The following ZHX2 variants were observed in gnomAD, a reference collection of about 807,000 sequenced individuals.
ZHX2 encodes the protein zinc fingers and homeoboxes 2.
A neutral mutation model predicts 21.9 loss-of-function variants in ZHX2; 6 were observed. The ratio of observed to expected loss-of-function variants is 0.27; its 90% CI spans 0.15 to 0.54. The LOEUF is 0.54. Ranked by LOEUF, ZHX2 falls within the 20% of genes least tolerant of loss-of-function variation. The pLI is 0.95. For missense variants in ZHX2, 908 were observed against 1,090.7 expected (o/e 0.83, Z 2.36); for synonymous variants, 434 against 437.1 (o/e 0.99, Z 0.09).
At chr8:122,880,698 C>T (rs1474948198) in intron 2 of ZHX2, among the ~76,000 whole-genome samples, 2 of 150,844 alleles carry the variant, frequency 1.3e-5, no homozygotes, top group Non-Finnish European at 2.9e-5. Flanking sequence ...TCACTTGAAC[C>T]CAGGAGGCTG....
At chr8:122,879,487 G>C (rs1039487871) in intron 2 of ZHX2, among the ~76,000 whole-genome samples, 4 of 150,374 alleles carry the variant, frequency 2.7e-5, no homozygotes, top group African/African-American at 9.9e-5. Flanking sequence ...TTATAGGTAT[G>C]AGCCACTGCA....
At chr8:122,943,239 G>A (rs1362077114) in intron 2 of ZHX2, among the ~76,000 whole-genome samples, 1 of 151,686 alleles carries the variant, frequency 6.6e-6, no homozygotes, top group Non-Finnish European at 1.5e-5. Context: ...TCCAGCCTGG[G>A]CAAAAGAGGG....
At chr8:122,869,726 G>C (rs898592665) in intron 2 of ZHX2, among the ~76,000 whole-genome samples, 1 of 152,236 alleles carries the variant, frequency 6.6e-6, no homozygotes, top group East Asian at 1.9e-4. Context: ...GCCATCGAGA[G>C]TGTGCACTTT....
chr8:122,932,455 T>C (rs1367619698), intron 2 of ZHX2, among the ~76,000 whole-genome samples: 1 of 152,210 alleles, frequency 6.6e-6, no homozygotes, highest in African/African-American at 2.4e-5. Context: ...CCTGTGTTCC[T>C]TCTCCATCTT....
chr8:122,862,163 G>A (rs1415232965), intron 1 of ZHX2, among the ~76,000 whole-genome samples: 1 of 152,104 alleles, frequency 6.6e-6, no homozygotes, highest in Non-Finnish European at 1.5e-5. Context: ...TCACTTCCAG[G>A]ACTCCAGTCA....
intron 2 of ZHX2, among the ~76,000 whole-genome samples, chr8:122,888,421 A>G (rs1372382131): frequency 6.6e-6 from 1 of 152,148 alleles, no homozygotes; most frequent in Non-Finnish European, 1.5e-5. Context: ...GGAAGATTCA[A>G]AATCCTCTCT....
At chr8:122,795,081 T>C (rs1328305093) in intron 1 of ZHX2, among the ~76,000 whole-genome samples, 1 of 152,232 alleles carries the variant, frequency 6.6e-6, no homozygotes, top group African/African-American at 2.4e-5. Context: ...GCCCACTTCA[T>C]AGGCTCAAAA....
At chr8:122,847,373 C>G (rs958756782) in intron 1 of ZHX2, among the ~76,000 whole-genome samples, 1 of 152,234 alleles carries the variant, frequency 6.6e-6, no homozygotes, top group African/African-American at 2.4e-5. Flanking sequence ...GTGGCCTTCC[C>G]TCTGCCTGTC....
chr8:122,838,363 T>C (rs1818549204), intron 1 of ZHX2, among the ~76,000 whole-genome samples: 1 of 152,180 alleles, frequency 6.6e-6, no homozygotes, highest in Non-Finnish European at 1.5e-5. Context: ...TGTTCTACTC[T>C]GAGATTTGGA....
chr8:122,967,495 A>G (rs909444280), intron 3 of ZHX2, among the ~76,000 whole-genome samples: 1 of 152,184 alleles, frequency 6.6e-6, no homozygotes, highest in Non-Finnish European at 1.5e-5. Flanking sequence ...GTCCTGTGAT[A>G]TGATCCATCT....
chr8:122,886,398 C>T (rs778431714), intron 2 of ZHX2, among the ~76,000 whole-genome samples: 9 of 152,176 alleles, frequency 5.9e-5, no homozygotes, highest in Non-Finnish European at 1.3e-4. Context: ...ATGGTAGATA[C>T]AGGACACTAT....
chr8:122,914,156 C>T (rs1820544098), intron 2 of ZHX2, among the ~76,000 whole-genome samples: 1 of 152,206 alleles, frequency 6.6e-6, no homozygotes, highest in Non-Finnish European at 1.5e-5. Context: ...TGGGGAGGTG[C>T]TCAGAGAAGT....
intron 2 of ZHX2, among the ~76,000 whole-genome samples, chr8:122,880,705 G>T (rs1255447097): frequency 6.7e-6 from 1 of 149,010 alleles, no homozygotes; most frequent in Non-Finnish European, 1.5e-5. Flanking sequence ...AACCCAGGAG[G>T]CTGAGGTTGC....
chr8:122,790,300 T>C (rs1404012176), intron 1 of ZHX2, among the ~76,000 whole-genome samples: 1 of 152,208 alleles, frequency 6.6e-6, no homozygotes, highest in Admixed American at 6.5e-5. Flanking sequence ...TATGGCCATG[T>C]ATTATTTTTC....
At chr8:122,819,390 C>T (rs1275715859) in intron 1 of ZHX2, among the ~76,000 whole-genome samples, 2 of 152,220 alleles carry the variant, frequency 1.3e-5, no homozygotes, top group Non-Finnish European at 2.9e-5. Flanking sequence ...CCGTTATTCC[C>T]AGCATGCGTG....
At chr8:122,842,848 C>T (rs937949163) in intron 1 of ZHX2, among the ~76,000 whole-genome samples, 9 of 152,240 alleles carry the variant, frequency 5.9e-5, no homozygotes, top group African/African-American at 1.9e-4. Flanking sequence ...TCTTTGCCTG[C>T]GCTTTGGGGT....
At chr8:122,851,127 G>C (rs1818886672) in intron 1 of ZHX2, among the ~76,000 whole-genome samples, 1 of 152,182 alleles carries the variant, frequency 6.6e-6, no homozygotes. Flanking sequence ...ATGCCTGGGG[G>C]GTGCGAGACG....
At chr8:122,936,473 G>T (rs1028161569) in intron 2 of ZHX2, among the ~76,000 whole-genome samples, 5 of 152,182 alleles carry the variant, frequency 3.3e-5, no homozygotes, top group African/African-American at 1.2e-4. Flanking sequence ...AGAATGACAG[G>T]TAACCCTGAG....
chr8:122,890,409 T>C (rs1409035831), intron 2 of ZHX2, among the ~76,000 whole-genome samples: 1 of 152,204 alleles, frequency 6.6e-6, no homozygotes, highest in Non-Finnish European at 1.5e-5. Flanking sequence ...CCAGTTTTGT[T>C]CTTTTTGCTT....
Sources: allele counts gnomAD v4.1 joint callset (sites outside exome capture counted in the v4.1 genomes callset), GRCh38; gene constraint gnomAD v4.1.1; transcripts MANE v1.5; gene names NCBI Gene and HGNC (gene_info 2026-07-23, HGNC 2026-07-21).